Variants in EVI5L observed in about 807,000 individuals in gnomAD.
EVI5L encodes ecotropic viral integration site 5 like, also known as EVI5-like protein.
EVI5L carries 30 observed loss-of-function variants against 106.1 expected under a neutral mutation model. That is an observed-to-expected ratio of 0.28 (90% CI 0.21 to 0.38). The LOEUF is 0.38. EVI5L is among the 10% of genes least tolerant of loss of function. EVI5L has a pLI of 1.00. For synonymous variants in EVI5L, 489 were observed against 483.3 expected, an observed-to-expected ratio of 1.01 and a Z score of -0.15; for missense variants, 809 against 1,098.0, an observed-to-expected ratio of 0.74 and a Z score of 3.72.
Position 7,862,025 on chromosome 19 carries a change from G to A in EVI5L, c.1644+7G>A. The A allele has an allele frequency of 6.5e-7, 1 of 1,543,070 alleles. No individual in the cohort carries two copies. Among genetic ancestry groups the A allele is most frequent in the South Asian group, 1.2e-5 (1 of 83,590 alleles). On this transcript the variant is annotated splice_region_variant and intron_variant, in intron 15 of 19. Transcript: ENST00000538904. Reference sequence around the variant, plus strand: ...GCTCTCGGACACCTGGCAGGTGAGGGCCGGGTGGGCGCCGGCGGGCAGAGC... The same window carrying A: ...GCTCTCGGACACCTGGCAGGTGAGGACCGGGTGGGCGCCGGCGGGCAGAGC...
chr19:7,855,992 G>A lies in EVI5L; in HGVS notation c.1147-23G>A, dbSNP rs186503976. ...ACAGGCGTGGGGGGCGGGCTATGAC[G>A]TGATCTCCCCCCACCCCCATAGAGA... On this transcript the variant is annotated intron_variant, in intron 10 of 19. Coordinates refer to ENST00000538904, the MANE Select transcript of EVI5L (RefSeq NM_001159944.3). 612 of 1,324,436 alleles carry A rather than the reference G, an allele frequency of 4.6e-4. 4 individuals are homozygous for A. In the East Asian group the frequency reaches 0.013, roughly 27 times the overall value. 82.0% of individuals were successfully genotyped at this position (1,324,436 alleles called of 1,614,324 possible). A position where few individuals can be genotyped will look rare whatever the true frequency, so the allele number is the denominator to read the frequency against.
chr19:7,859,143 A>G (rs1293719101), intron 13 of EVI5L: 1 of 149,110 alleles, frequency 6.7e-6, no homozygotes, highest in Non-Finnish European at 1.5e-5. Context: ...GTGAGCCAAG[A>G]TGGCACCACC....
At position 7,851,785 on chromosome 19, in the gene EVI5L, C is replaced by T. The variant is rs765895286; in HGVS notation, c.987+15C>T. ...GGATGTCCCAGGTGGGCCGGGAGGG[C>T]CAGGGCCGGTGGGGCTGCCCCCAAT... On this transcript the variant is annotated intron_variant, in intron 8 of 19. Coordinates refer to ENST00000538904, the MANE Select transcript of EVI5L (RefSeq NM_001159944.3). 2.0e-6 allele frequency: 3 copies of T among 1,487,944 alleles called. No individual in the cohort carries two copies. The highest frequency in any genetic ancestry group is 4.9e-5 in the East Asian group (2 of 40,746). 92.2% of individuals were successfully genotyped at this position (1,487,944 alleles called of 1,614,324 possible).
chr19:7,830,935 C>T (rs942478276), intron 1 of EVI5L, among the ~76,000 whole-genome samples: 11 of 147,350 alleles, frequency 7.5e-5, no homozygotes, highest in African/African-American at 2.5e-4. Flanking sequence ...CCCATGCTGA[C>T]CCCACAGGAC....
At chr19:7,846,186 CAG>C in intron 1 of EVI5L, among the ~76,000 whole-genome samples, 1 of 152,334 alleles carries the variant, frequency 6.6e-6, no homozygotes, top group African/African-American at 2.4e-5. Context: ...GCTCCAGCCT[CAG>C]GGGTGTCGAG....
At chr19:7,849,793 G>T (rs1427371018) in intron 5 of EVI5L, among the ~76,000 whole-genome samples, 1 of 152,154 alleles carries the variant, frequency 6.6e-6, no homozygotes, top group African/African-American at 2.4e-5. Context: ...CTGCCGAGTG[G>T]CCCTTGGCAG....
Position 7,835,522 on chromosome 19 carries a change from A to T in EVI5L, c.-48+5141A>T, listed in dbSNP as rs890181571. 1.3e-5 allele frequency among the ~76,000 whole-genome samples: 2 copies of T among 152,152 alleles called. No homozygotes were observed. The highest frequency in any genetic ancestry group is 4.8e-5 in the African/African-American group (2 of 41,432). Reference sequence around the variant, plus strand: ...GACTCGGTTTCAAAGAAAAAAGAATAAAAAGAAAAGAAAGAGGTAGAGGAA... The same window carrying T: ...GACTCGGTTTCAAAGAAAAAAGAATTAAAAGAAAAGAAAGAGGTAGAGGAA... On this transcript the variant is annotated intron_variant, in intron 1 of 19. Transcript: ENST00000538904. The surrounding 1 kb of genome is among the most constrained non-coding windows in gnomAD (Gnocchi z 4.1).
chr19:7,862,904 C>T (rs1979911708), intron 17 of EVI5L, 68 bp from the exon 18 acceptor site: 1 of 1,173,574 alleles, frequency 8.5e-7, no homozygotes, highest in South Asian at 1.4e-5. Flanking sequence ...CCCCTGCCCG[C>T]GGTCCCGCCC....
In EVI5L at chr19:7,861,867, T is replaced by C. The variant is rs989119890; in HGVS notation, c.1504-11T>C. The C allele has an allele frequency of 1.9e-6, 3 of 1,550,132 alleles. No individual in the cohort carries two copies. Among genetic ancestry groups the C allele is most frequent in the African/African-American group, 2.7e-5 (2 of 72,960 alleles). On this transcript the variant is annotated splice_polypyrimidine_tract_variant and intron_variant, in intron 14 of 19. Coordinates refer to ENST00000538904, the MANE Select transcript of EVI5L (RefSeq NM_001159944.3). ...CTGCTCCCCCAGGCCCTGACCCCAC[T>C]CTTCCCGCAGAGGAACAGCTCGCTG... is the stretch of plus-strand genomic sequence containing the variant.
chr19:7,831,942 C>A (rs750609419), intron 1 of EVI5L, among the ~76,000 whole-genome samples: 2 of 152,260 alleles, frequency 1.3e-5, no homozygotes, highest in Non-Finnish European at 2.9e-5. Context: ...CTGCCAGAAG[C>A]AGGCAGCTCT....
intron 1 of EVI5L, among the ~76,000 whole-genome samples, chr19:7,839,317 A>C (rs1213111730): frequency 6.6e-6 from 1 of 151,476 alleles, no homozygotes; most frequent in Non-Finnish European, 1.5e-5. Context: ...AAAAAAAAAA[A>C]TCCAAACCGG....
At position 7,862,165 on chromosome 19, in the gene EVI5L, A is replaced by G. The variant is rs1343279391; in HGVS notation, c.1688A>G (p.Lys563Arg). The G allele has an allele frequency of 6.3e-7, 1 of 1,577,370 alleles. No homozygotes were observed. The highest frequency in any genetic ancestry group is 1.3e-5 in the African/African-American group (1 of 74,546). The change falls in exon 16 of 20, where the codon AAG becomes AGG. Residue 563 changes from lysine (K) to arginine (R), a missense_variant. Transcript: ENST00000538904. ...GGCCGCTGGAAGGAGTCCCCACGGA[A>G]GCTGGTCGTGGGCGAGCTGCAGGAC... ...RGGRWKESPR[K>R]LVVGELQDEL...
intron 2 of EVI5L, 94 bp from the exon 3 acceptor site, chr19:7,847,638 A>T (rs1672279140): frequency 7.6e-7 from 1 of 1,316,970 alleles, no homozygotes; most frequent in Non-Finnish European, 1.1e-6. Flanking sequence ...GGTGTCCTCT[A>T]AGACCCCCAG....
In EVI5L at chr19:7,863,597, G is replaced by C; in HGVS notation, c.2313G>C (p.Ala771=). Reference sequence around the variant, plus strand: ...TGTACCCTCTGTCCCCGCGCGATGCGCGCTTCTTCCGCCGTCTGGAGCGGC... The same window carrying C: ...TGTACCCTCTGTCCCCGCGCGATGCCCGCTTCTTCCGCCGTCTGGAGCGGC... The part of the protein sequence containing the change: ...DALYPLSPRD[A]RFFRRLERPA... Residue 771 remains alanine, a synonymous_variant, in exon 20 of 20, where the codon GCG becomes GCC. Coordinates refer to ENST00000538904, the MANE Select transcript of EVI5L (RefSeq NM_001159944.3). This position sits in a 1 kb window ranked among gnomAD's most constrained non-coding sequence, Gnocchi z 7.7. The C allele has an allele frequency of 6.3e-7, 1 of 1,581,420 alleles. No individual in the cohort carries two copies. The highest frequency in any genetic ancestry group is 8.6e-7 in the Non-Finnish European group (1 of 1,164,592).
At chr19:7,855,914 C>A (rs1979495962) in intron 10 of EVI5L, 101 bp from the exon 11 acceptor site, 2 of 1,109,064 alleles carry the variant, frequency 1.8e-6, no homozygotes, top group Non-Finnish European at 2.3e-6. Flanking sequence ...GGAAAAGTGG[C>A]CTGGCCCTAA....
In EVI5L at chr19:7,851,731, G is replaced by C; in HGVS notation, c.948G>C (p.Gln316His). ...GCCTCGCCCTGCTGCAGGTGAACCA[G>C]GCAGAGCTGATGCAGCTGGACATGG... ...RVGLALLQVN[Q>H]AELMQLDMEG... Residue 316 changes from glutamine (Q) to histidine (H), a missense_variant, in exon 8 of 20, where the codon CAG (glutamine) becomes CAC (histidine). Physicochemically the swap from Gln to His is conservative, Grantham distance 24. Coordinates refer to ENST00000538904, the MANE Select transcript of EVI5L (RefSeq NM_001159944.3). 1 of 1,540,450 alleles carries C rather than the reference G, an allele frequency of 6.5e-7. No homozygotes were observed. Among genetic ancestry groups the C allele is most frequent in the Non-Finnish European group, 8.7e-7 (1 of 1,146,666 alleles).
At chr19:7,854,072 A>C (rs1011972998) in intron 10 of EVI5L, among the ~76,000 whole-genome samples, 1 of 152,146 alleles carries the variant, frequency 6.6e-6, no homozygotes, top group South Asian at 2.1e-4. Context: ...ACTTGAGGTC[A>C]GGAGTTCGAG....
At chr19:7,849,870 C>A in intron 5 of EVI5L, 127 bp from the exon 6 acceptor site, 1 of 730,412 alleles carries the variant, frequency 1.4e-6, no homozygotes, top group South Asian at 1.8e-5. Context: ...AACAGTGTGT[C>A]ATGAGAGTCT....
At chr19:7,836,172 G>T (rs1285868581) in intron 1 of EVI5L, among the ~76,000 whole-genome samples, 2 of 152,104 alleles carry the variant, frequency 1.3e-5, no homozygotes, top group African/African-American at 4.8e-5. Flanking sequence ...AGGAGGCGGA[G>T]GTTGCAGTGA....
Sources: gnomAD v4.1 joint callset for allele counts (sites outside exome capture counted in the v4.1 genomes callset) on GRCh38, gnomAD v4.1.1 for gene constraint, Gnocchi (gnomAD v3.1) non-coding constraint, MANE v1.5 for transcripts, NCBI Gene and HGNC (gene_info 2026-07-23, HGNC 2026-07-21) for gene names.